The following ABLIM1 variants were observed in gnomAD, a reference collection of about 807,000 sequenced individuals.
ABLIM1 encodes the protein actin-binding LIM protein 1.
Under a neutral mutation model 107.0 loss-of-function variants are expected in ABLIM1, and 40 were observed. The ratio of observed to expected loss-of-function variants is 0.37; its 90% CI spans 0.29 to 0.49. The LOEUF is 0.49. Among genes scored for constraint, ABLIM1 ranks in the 20% least tolerant of loss-of-function variants. ABLIM1 has a pLI of 0.97. For synonymous variants in ABLIM1, 357 were observed against 357.3 expected (o/e 1.00, Z 0.01); for missense variants, 857 against 1,008.5 (o/e 0.85, Z 2.04).
intron 1 of ABLIM1, among the ~76,000 whole-genome samples, chr10:114,613,919 T>A (rs532302112): frequency 6.6e-6 from 1 of 152,254 alleles, no homozygotes; most frequent in East Asian, 1.9e-4. Context: ...CTTCTATTCA[T>A]CCCGGTGACA....
intron 1 of ABLIM1, among the ~76,000 whole-genome samples, chr10:114,732,726 G>A (rs1460609493): frequency 6.6e-6 from 1 of 151,864 alleles, no homozygotes; most frequent in African/African-American, 2.4e-5. Context: ...ATTATAAACT[G>A]CCTTAAATTA....
At chr10:114,580,779 C>T (rs1030575961) in intron 2 of ABLIM1, among the ~76,000 whole-genome samples, 73 of 152,270 alleles carry the variant, frequency 4.8e-4, no homozygotes, top group African/African-American at 1.7e-3. Context: ...AAAACTTTCA[C>T]ATCTAAATGA....
chr10:114,517,452 C>G (rs1032286899), intron 6 of ABLIM1, among the ~76,000 whole-genome samples: 4 of 152,086 alleles, frequency 2.6e-5, no homozygotes, highest in Non-Finnish European at 4.4e-5. Context: ...CCCAGAAGAA[C>G]CCCCACTCCA....
rs1182727490 is a variant in ABLIM1 at position 114,619,135 on chromosome 10, G to A, written c.245-17174C>T. ...CACCTTTTGGACATTCCTGAGGGAG[G>A]GGTGAACTCTCTCCAAAGCCCTTAA... On this transcript the variant is annotated intron_variant, in intron 1 of 22. Coordinates refer to ENST00000533213, the MANE Select transcript of ABLIM1 (RefSeq NM_002313.7). The surrounding 1 kb of genome is among the most constrained non-coding windows in gnomAD (Gnocchi z 4.1). Among the ~76,000 whole-genome samples the A allele has an allele frequency of 6.6e-6, 1 of 151,478 alleles. No individual in the cohort carries two copies. Among genetic ancestry groups the A allele is most frequent in the Non-Finnish European group, 1.5e-5 (1 of 67,868 alleles).
intron 13 of ABLIM1, 143 bp downstream of exon 13, chr10:114,453,236 C>T: frequency 2.5e-6 from 2 of 795,076 alleles, no homozygotes; most frequent in South Asian, 1.7e-5. Context: ...TTTGAAAGGC[C>T]CCCTAGGTCA....
At chr10:114,691,138 A>G (rs2081068820) in intron 1 of ABLIM1, among the ~76,000 whole-genome samples, 1 of 152,176 alleles carries the variant, frequency 6.6e-6, no homozygotes. Context: ...AATTTTTTTC[A>G]GAGTCACATC....
intron 1 of ABLIM1, among the ~76,000 whole-genome samples, chr10:114,727,640 A>T (rs1284061246): frequency 6.6e-6 from 1 of 152,246 alleles, no homozygotes; most frequent in Non-Finnish European, 1.5e-5. Context: ...GAAAATATTT[A>T]ATAAAATTGG....
intron 1 of ABLIM1, among the ~76,000 whole-genome samples, chr10:114,647,478 G>C (rs2079061283): frequency 6.6e-6 from 1 of 152,202 alleles, no homozygotes; most frequent in Non-Finnish European, 1.5e-5. Flanking sequence ...ACTGGGAATT[G>C]TCCCACAAGG....
chr10:114,769,386 C>T (rs1211568827), upstream of ABLIM1, among the ~76,000 whole-genome samples: 1 of 97,940 alleles, frequency 1.0e-5, no homozygotes, highest in Non-Finnish European at 2.1e-5. Flanking sequence ...AAGAGACAGA[C>T]AAGAAAGAAA....
At chr10:114,568,196 C>CAAAAAAAAAAAAA (rs34861242) in intron 4 of ABLIM1, among the ~76,000 whole-genome samples, 5 of 52,382 alleles carry the variant, frequency 9.5e-5, no homozygotes, top group African/African-American at 3.6e-4. Flanking sequence ...GACTCCGTCT[C>CAAAAAAAAAAAAA]AAAAAAAAAA....
the ABLIM1 span, among the ~76,000 whole-genome samples, chr10:114,796,688 G>T: frequency 6.6e-6 from 1 of 152,126 alleles, no homozygotes; most frequent in Admixed American, 6.5e-5. Flanking sequence ...AGAAGTCTTT[G>T]AACTACATGA....
At chr10:114,592,273 C>T (rs1285152616) in intron 2 of ABLIM1, among the ~76,000 whole-genome samples, 1 of 152,076 alleles carries the variant, frequency 6.6e-6, no homozygotes, top group Non-Finnish European at 1.5e-5. Flanking sequence ...GGGAGAGCAC[C>T]AAGCACACAT....
chr10:114,491,949 A>G, intron 6 of ABLIM1, 71 bp from the exon 7 acceptor site: 2 of 1,256,054 alleles, frequency 1.6e-6, no homozygotes, highest in South Asian at 1.4e-5. Context: ...TCTGGACTTG[A>G]TGATTTAGAA....
At chr10:114,683,578 T>C (rs1426234546) in intron 1 of ABLIM1, among the ~76,000 whole-genome samples, 1 of 151,894 alleles carries the variant, frequency 6.6e-6, no homozygotes, top group African/African-American at 2.4e-5. Context: ...AGTGGCGAGA[T>C]TGGAAGTGAA....
intron 1 of ABLIM1, among the ~76,000 whole-genome samples, chr10:114,677,067 TA>T (rs2080520011): frequency 6.6e-6 from 1 of 152,104 alleles, no homozygotes; most frequent in African/African-American, 2.4e-5. Context: ...AAATCCCTCT[TA>T]CTTCTGAAAA....
At chr10:114,657,855 CCTTTGAAGAACACATTACAGAAGAATGA>C in intron 1 of ABLIM1, 74 bp downstream of exon 1, 2 of 1,003,746 alleles carry the variant, frequency 2.0e-6, no homozygotes, top group Non-Finnish European at 3.0e-6. Context: ...GATAGTGTTT[CCTTTGAAGAACACATTACAGAAGAATGA>C]TCTGGATAGT....
At chr10:114,722,938 A>G (rs1264034889) in intron 1 of ABLIM1, among the ~76,000 whole-genome samples, 2 of 152,156 alleles carry the variant, frequency 1.3e-5, no homozygotes, top group South Asian at 2.1e-4. Flanking sequence ...TCCTTCTGTA[A>G]TCATGGCTGG....
At chr10:114,583,925 T>A (rs2073903141) in intron 2 of ABLIM1, among the ~76,000 whole-genome samples, 1 of 151,950 alleles carries the variant, frequency 6.6e-6, no homozygotes, top group African/African-American at 2.4e-5. Flanking sequence ...TGTGGGTACA[T>A]ATGGACATAA....
the ABLIM1 span, among the ~76,000 whole-genome samples, chr10:114,798,560 C>G: frequency 7.2e-6 from 1 of 138,476 alleles, no homozygotes; most frequent in African/African-American, 3.1e-5. Context: ...GATGAGACCC[C>G]CCCCCCATGT....
Sources: gnomAD v4.1 joint callset for allele counts (sites outside exome capture counted in the v4.1 genomes callset) on GRCh38, gnomAD v4.1.1 for gene constraint, Gnocchi (gnomAD v3.1) non-coding constraint, MANE v1.5 for transcripts, NCBI Gene and HGNC (gene_info 2026-07-23, HGNC 2026-07-21) for gene names.